IQCE: variants seen among roughly 807,000 people sequenced by gnomAD.
IQCE encodes the protein IQ motif containing E, also known as IQ domain-containing protein E.
IQCE carries 115 observed loss-of-function variants against 96.0 expected under a neutral mutation model. The ratio of observed to expected loss-of-function variants is 1.20; its 90% confidence interval spans 1.03 to 1.40. The LOEUF (loss-of-function observed/expected upper bound fraction) is 1.40. Ranked by LOEUF, IQCE falls within the 40% of genes most tolerant of loss-of-function variation. IQCE has a pLI of 0.00. For missense variants in IQCE, 1,041 were observed against 909.1 expected, an observed-to-expected ratio of 1.15 and a Z score of -1.87; for synonymous variants, 412 against 371.2, an observed-to-expected ratio of 1.11 and a Z score of -1.26.
At chr7:2,592,954 T>C (rs1783722496) in intron 14 of IQCE, 68 bp from the exon 15 acceptor site, 1 of 1,504,902 alleles carries the variant, frequency 6.6e-7, no homozygotes, top group Non-Finnish European at 9.0e-7. Flanking sequence ...TTTTCTGAAG[T>C]GCCTTCCTGC....
At position 2,571,674 on chromosome 7, in the gene IQCE, G is replaced by A. The variant is rs1781766245; in HGVS notation, c.259+20G>A. 6.3e-7 allele frequency: 1 copy of A among 1,593,830 alleles called. No individual in the cohort carries two copies. The highest frequency in any genetic ancestry group is 1.7e-5 in the Admixed American group (1 of 59,044). On this transcript the variant is annotated intron_variant, in intron 4 of 21. Coordinates refer to ENST00000402050, the MANE Select transcript of IQCE (RefSeq NM_152558.5). ...AGCCAGGTATGTGGTTGTCGCACTG[G>A]AGACCCTTCCTGCTTGAGAGAAGAG...
intron 17 of IQCE, among the ~76,000 whole-genome samples, chr7:2,599,226 T>G (rs1784272550): frequency 1.3e-5 from 2 of 152,214 alleles, no homozygotes; most frequent in African/African-American, 4.8e-5. Flanking sequence ...AGTTAGAGTC[T>G]TGCTCTGTTG....
At position 2,589,935 on chromosome 7, in the gene IQCE, C is replaced by T; in HGVS notation, c.1073C>T (p.Ser358Leu). ...KKLSVMESSK[S>L]HAAEPVRSHP... ...CTAAGTGTGATGGAGAGCTCAAAATCACACGCCGCAGAGCCAGTCAGATCA... is the reference window on the plus strand; with the variant it reads ...CTAAGTGTGATGGAGAGCTCAAAATTACACGCCGCAGAGCCAGTCAGATCA... The change falls in exon 14 of 22, where the codon TCA (serine) becomes TTA (leucine). Residue 358 changes from serine (S) to leucine (L), a missense_variant. By Grantham distance (145) the Ser-to-Leu change is moderately radical. Transcript: ENST00000402050. The T allele has an allele frequency of 6.2e-7, 1 of 1,613,922 alleles. No homozygotes were observed. Among genetic ancestry groups the T allele is most frequent in the Non-Finnish European group, 8.5e-7 (1 of 1,180,030 alleles).
Position 2,593,056 on chromosome 7 carries a change from G to A in IQCE, c.1279G>A (p.Asp427Asn), listed in dbSNP as rs551209728. 3.2e-5 allele frequency: 52 copies of A among 1,611,276 alleles called. No homozygotes were observed. The highest frequency in any genetic ancestry group is 2.4e-4 in the South Asian group (22 of 90,956). ...EVKQLLQAKA[D>N]LEKELECARE... ...GAAGCAGCTCCTGCAGGCGAAGGCC[G>A]ACCTGGAGAAGGAGCTGGAGTGCGC... The change falls in exon 15 of 22, where the codon GAC becomes AAC. Residue 427 changes from aspartate to asparagine, a missense_variant. Transcript: ENST00000402050.
At position 2,570,552 on chromosome 7, in the gene IQCE, C is replaced by T. The variant is rs576309783; in HGVS notation, c.131-974C>T. On this transcript the variant is annotated intron_variant, in intron 3 of 21. Transcript: ENST00000402050. ...TTCACAGTTACGGTGGCGAATTTCACATAAATTGTGAAACCGCGGGAAAAA... is the reference window on the plus strand; with the variant it reads ...TTCACAGTTACGGTGGCGAATTTCATATAAATTGTGAAACCGCGGGAAAAA... Among the ~76,000 whole-genome samples the T allele has an allele frequency of 2.0e-5, 3 of 152,080 alleles. No homozygotes were observed. In the South Asian group the frequency reaches 6.2e-4, roughly 32 times the overall value.
chr7:2,568,808 G>C (rs1397031363), intron 2 of IQCE, 146 bp from the exon 3 acceptor site: 3 of 707,692 alleles, frequency 4.2e-6, no homozygotes, highest in East Asian at 2.7e-5. Context: ...TGCGTGTCCT[G>C]TTCCTGGACC....
chr7:2,564,280 T>G (rs938766123), intron 1 of IQCE, among the ~76,000 whole-genome samples: 6 of 151,874 alleles, frequency 4.0e-5, no homozygotes, highest in African/African-American at 1.5e-4. Flanking sequence ...CTTAGACCCA[T>G]TGATTATTTA....
chr7:2,592,660 GGCCCCT>G (rs1270274209), intron 14 of IQCE, among the ~76,000 whole-genome samples: 2 of 152,270 alleles, frequency 1.3e-5, no homozygotes, highest in Non-Finnish European at 2.9e-5. Context: ...AGGCGGGGCA[GGCCCCT>G]GCCCCATTCA....
intron 18 of IQCE, among the ~76,000 whole-genome samples, chr7:2,604,091 C>T (rs942321335): frequency 2.4e-4 from 37 of 151,260 alleles, no homozygotes; most frequent in Admixed American, 7.9e-4. Context: ...CAGGTTCAAA[C>T]GATTCTCATG....
chr7:2,593,068 G>T lies in IQCE; in HGVS notation c.1291G>T (p.Glu431Ter). The stretch of plus-strand genomic sequence containing the variant: ...GCAGGCGAAGGCCGACCTGGAGAAG[G>T]AGCTGGAGTGCGCGAGGGAGGGCGA... Reference protein sequence around the residue: ...LLQAKADLEKELECAREGEEE... With the variant: ...LLQAKADLEK The change falls in exon 15 of 22, where the codon GAG (glutamate) becomes TAG (stop). Residue 431 changes from glutamate (E) to a stop codon, truncating the protein, a stop_gained. Coordinates refer to ENST00000402050, the MANE Select transcript of IQCE (RefSeq NM_152558.5). LOFTEE classifies it high-confidence loss of function. The T allele has an allele frequency of 6.2e-7, 1 of 1,612,872 alleles. No homozygotes were observed. The highest frequency in any genetic ancestry group is 8.5e-7 in the Non-Finnish European group (1 of 1,178,984).
intron 5 of IQCE, chr7:2,572,722 T>C: frequency 2.2e-6 from 1 of 459,450 alleles, no homozygotes; most frequent in East Asian, 6.9e-5. Context: ...AGTCTCTTTT[T>C]TTTTAGAGAC....
intron 2 of IQCE, 75 bp from the exon 3 acceptor site, chr7:2,568,879 C>G: frequency 1.4e-6 from 2 of 1,383,802 alleles, no homozygotes; most frequent in African/African-American, 1.4e-5. Flanking sequence ...CTGACCCTTT[C>G]TGAACATGGT....
At position 2,572,309 on chromosome 7, in the gene IQCE, G is replaced by C; in HGVS notation, c.377G>C (p.Arg126Thr). The change falls in exon 5 of 22, where the codon AGG becomes ACG. Residue 126 changes from arginine to threonine, a missense_variant. Physicochemically the swap from Arg to Thr is moderately conservative, Grantham distance 71. Transcript: ENST00000402050. ...TTCAGAGTGAAGAGGCCACATCTCA[G>C]GCGCTCTGCCAGCAACGGTGAGCAT... Reference protein sequence around the residue: ...DTFRVKRPHLRRSASNGHVPG... With the variant: ...DTFRVKRPHLTRSASNGHVPG... 1 of 1,614,048 alleles carries C rather than the reference G, an allele frequency of 6.2e-7. No individual in the cohort carries two copies. The highest frequency in any genetic ancestry group is 8.5e-7 in the Non-Finnish European group (1 of 1,179,990).
rs140074461 is a variant in IQCE, at chr7:2,567,229, C to T, written c.84+66C>T. ...TTGCGCTGCCCTTGCAGACTGCACT[C>T]GGAAGCGTAAAATAGGCCGTTCTCC... On this transcript the variant is annotated intron_variant, in intron 2 of 21. Transcript: ENST00000402050. 114 of 1,277,064 alleles carry T rather than the reference C, an allele frequency of 8.9e-5. No homozygotes were observed. In the East Asian group the frequency reaches 2.2e-3, roughly 24 times the overall value. 79.1% of individuals were successfully genotyped at this position (1,277,064 alleles called of 1,614,324 possible).
chr7:2,580,306 A>AC (rs1562641274), intron 8 of IQCE: 1 of 151,990 alleles, frequency 6.6e-6, no homozygotes, highest in East Asian at 1.9e-4. Context: ...AAAAAAAAAA[A>AC]AAGATTTTAA....
chr7:2,572,947 C>T (rs959165565), intron 5 of IQCE: 2 of 334,174 alleles, frequency 6.0e-6, no homozygotes, highest in African/African-American at 2.2e-5. Context: ...GATTACCTTC[C>T]TGCTTTTACT....
At chr7:2,569,589 C>G (rs1562624091) in intron 3 of IQCE, among the ~76,000 whole-genome samples, 1 of 152,282 alleles carries the variant, frequency 6.6e-6, no homozygotes, top group Admixed American at 6.5e-5. Context: ...GCCCCTCTGT[C>G]TCTAATGCCG....
chr7:2,578,431 G>T lies in IQCE; in HGVS notation c.580-45G>T, dbSNP rs1477254820. On this transcript the variant is annotated intron_variant, in intron 7 of 21. Transcript: ENST00000402050. ...GCATCTGCCAGCCAGCCCTGCTGGG[G>T]GCTACACCGAAGGCCGTCTTCATGT... The T allele has an allele frequency of 3.8e-6, 6 of 1,589,400 alleles. No individual in the cohort carries two copies. The African/African-American group carries it at 4.3e-5, about 11-fold the overall frequency.
At chr7:2,590,991 G>A (rs1372074320) in intron 14 of IQCE, among the ~76,000 whole-genome samples, 2 of 152,116 alleles carry the variant, frequency 1.3e-5, no homozygotes, top group East Asian at 1.9e-4. Flanking sequence ...AGTGGCTCAC[G>A]CCTGTAATCC....
Sources: allele counts gnomAD v4.1 joint callset (sites outside exome capture counted in the v4.1 genomes callset), GRCh38; gene constraint gnomAD v4.1.1; transcripts MANE v1.5; gene names NCBI Gene and HGNC (gene_info 2026-07-23, HGNC 2026-07-21).